Variants in GADL1 observed in about 807,000 individuals in gnomAD.
GADL1 encodes GAD like acidic amino acid decarboxylase 1.
GADL1 carries 71 observed loss-of-function variants against 69.5 expected under a neutral mutation model. That is an observed-to-expected ratio of 1.02 (90% confidence interval 0.84 to 1.25). The LOEUF (loss-of-function observed/expected upper bound fraction) is 1.25. Ranked by LOEUF, GADL1 falls within the 50% of genes most tolerant of loss-of-function variation. The pLI is 0.00. For missense variants in GADL1, 737 were observed against 631.8 expected, an observed-to-expected ratio of 1.17 and a Z score of -1.79; for synonymous variants, 254 against 214.4, an observed-to-expected ratio of 1.18 and a Z score of -1.62.
intron 12 of GADL1, 32 bp from the exon 13 acceptor site, chr3:30,786,438 T>C (rs372119660): frequency 2.0e-5 from 22 of 1,109,022 alleles, no homozygotes; most frequent in Non-Finnish European, 2.8e-5. Flanking sequence ...ATATTTATAA[T>C]CTGCAATGTA....
intron 1 of GADL1, among the ~76,000 whole-genome samples, chr3:30,871,300 T>G (rs1698478823): frequency 6.6e-6 from 1 of 150,808 alleles, no homozygotes; most frequent in Admixed American, 6.7e-5. Flanking sequence ...GTGTAAAGTT[T>G]AGGTGTGAAA....
chr3:30,836,756 G>T lies in GADL1; in HGVS notation c.903+2241C>A, dbSNP rs576807070. Among the ~76,000 whole-genome samples the T allele has an allele frequency of 2.1e-3, 315 of 152,066 alleles. 3 individuals are homozygous for T. The highest frequency in any genetic ancestry group is 7.2e-3 in the African/African-American group (298 of 41,460). On this transcript the variant is annotated intron_variant, in intron 9 of 14. Transcript: ENST00000282538. ...AATGGGTGAGAGAATAGGAAGCTTTGTTGGGAATGAGAGGCTTTCCAGCAG... is the reference window on the plus strand; with the variant it reads ...AATGGGTGAGAGAATAGGAAGCTTTTTTGGGAATGAGAGGCTTTCCAGCAG...
intron 12 of GADL1, among the ~76,000 whole-genome samples, chr3:30,788,168 A>G (rs1422724490): frequency 6.6e-6 from 1 of 152,176 alleles, no homozygotes; most frequent in Non-Finnish European, 1.5e-5. Context: ...CATAAAAAGC[A>G]ATTCCATTGC....
At chr3:30,728,640 G>A (rs1358345805) in intron 14 of GADL1, among the ~76,000 whole-genome samples, 1 of 152,190 alleles carries the variant, frequency 6.6e-6, no homozygotes, top group African/African-American at 2.4e-5. Flanking sequence ...CAGTGAGGAA[G>A]ATGCTACTAA....
chr3:30,769,144 G>A lies in GADL1; in HGVS notation c.1392+9035C>T, dbSNP rs2125490958. Among the ~76,000 whole-genome samples the A allele has an allele frequency of 1.3e-5, 2 of 152,154 alleles. 1 individual carries two copies. Among genetic ancestry groups the A allele is most frequent in the South Asian group, 4.2e-4 (2 of 4,808 alleles). On this transcript the variant is annotated intron_variant, in intron 14 of 14. Transcript: ENST00000282538. Reference sequence around the variant, plus strand: ...TAAATAAAATTAAATTCAACTGCAAGCCACCATCCTAGGCAAGGCTGAAAG... The same window carrying A: ...TAAATAAAATTAAATTCAACTGCAAACCACCATCCTAGGCAAGGCTGAAAG...
intron 11 of GADL1, among the ~76,000 whole-genome samples, chr3:30,815,386 C>CT: frequency 6.6e-6 from 1 of 152,278 alleles, no homozygotes; most frequent in South Asian, 2.1e-4. Context: ...TGGCACAATT[C>CT]TAGGTCTCCA....
chr3:30,784,260 G>C (rs983132826), intron 13 of GADL1, among the ~76,000 whole-genome samples: 1 of 152,088 alleles, frequency 6.6e-6, no homozygotes, highest in African/African-American at 2.4e-5. Flanking sequence ...TTTACAGTTG[G>C]CTTGTTCAAA....
At chr3:30,781,224 T>C (rs1696658726) in intron 13 of GADL1, among the ~76,000 whole-genome samples, 1 of 152,188 alleles carries the variant, frequency 6.6e-6, no homozygotes, top group African/African-American at 2.4e-5. Context: ...AAAGAATGAA[T>C]ACATTCTATA....
At chr3:30,776,746 G>A (rs1696549608) in intron 14 of GADL1, among the ~76,000 whole-genome samples, 1 of 152,078 alleles carries the variant, frequency 6.6e-6, no homozygotes, top group East Asian at 1.9e-4. Flanking sequence ...GTTAGACTGG[G>A]GCAAAAATCC....
At chr3:30,847,773 C>G (rs1325212864) in intron 6 of GADL1, among the ~76,000 whole-genome samples, 1 of 152,156 alleles carries the variant, frequency 6.6e-6, no homozygotes, top group East Asian at 1.9e-4. Flanking sequence ...TATTTTGCCT[C>G]TCTTTGGAAA....
chr3:30,789,627 G>A (rs1336089712), intron 12 of GADL1, among the ~76,000 whole-genome samples: 2 of 152,130 alleles, frequency 1.3e-5, no homozygotes, highest in African/African-American at 2.4e-5. Context: ...TGCCTACATT[G>A]AAAACCTGTT....
At chr3:30,825,852 A>G (rs977377039) in intron 11 of GADL1, among the ~76,000 whole-genome samples, 2 of 151,976 alleles carry the variant, frequency 1.3e-5, no homozygotes, top group Admixed American at 6.6e-5. Context: ...TGATGGGTTG[A>G]TAGGTGCAGC....
intron 14 of GADL1, among the ~76,000 whole-genome samples, chr3:30,729,148 G>C (rs1283567542): frequency 1.3e-5 from 2 of 152,122 alleles, no homozygotes; most frequent in Non-Finnish European, 2.9e-5. Flanking sequence ...TGATAATCCA[G>C]ATACACAGAT....
intron 14 of GADL1, 68 bp downstream of exon 14, chr3:30,778,111 G>A (rs1696578621): frequency 1.1e-6 from 1 of 889,262 alleles, no homozygotes; most frequent in Non-Finnish European, 1.9e-6. Flanking sequence ...CTTATTTATA[G>A]GATCAACAGA....
chr3:30,850,153 T>G, intron 5 of GADL1, 42 bp from the exon 6 acceptor site: 1 of 1,081,268 alleles, frequency 9.2e-7, no homozygotes, highest in Non-Finnish European at 1.4e-6. Flanking sequence ...TAGCATGAAG[T>G]TATAGCTCGC....
intron 14 of GADL1, among the ~76,000 whole-genome samples, chr3:30,757,542 TTAG>T (rs1696005874): frequency 1.3e-5 from 2 of 152,200 alleles, no homozygotes; most frequent in African/African-American, 4.8e-5. Flanking sequence ...TGTAATGCTA[TTAG>T]TAAATATTGA....
At chr3:30,811,649 G>T (rs775890935) in intron 11 of GADL1, among the ~76,000 whole-genome samples, 2 of 152,098 alleles carry the variant, frequency 1.3e-5, no homozygotes, top group Admixed American at 1.3e-4. Context: ...TTACCACATG[G>T]AGTGCATACT....
chr3:30,775,692 G>A (rs2125494761), intron 14 of GADL1, among the ~76,000 whole-genome samples: 1 of 152,162 alleles, frequency 6.6e-6, no homozygotes, highest in East Asian at 1.9e-4. Flanking sequence ...AGTCCAAGAT[G>A]GCTGACAGTA....
chr3:30,740,196 C>T (rs933022422), intron 14 of GADL1, among the ~76,000 whole-genome samples: 8 of 152,078 alleles, frequency 5.3e-5, no homozygotes, highest in African/African-American at 7.2e-5. Flanking sequence ...CAGAGTTCTA[C>T]GTAAGAGTTT....
Sources: gnomAD v4.1 joint callset for allele counts (sites outside exome capture counted in the v4.1 genomes callset) on GRCh38, gnomAD v4.1.1 for gene constraint, MANE v1.5 for transcripts, NCBI Gene and HGNC (gene_info 2026-07-23, HGNC 2026-07-21) for gene names.